Variants in UBA6 observed in about 807,000 individuals in gnomAD.
UBA6 encodes ubiquitin like modifier activating enzyme 6.
Under a neutral mutation model 148.3 loss-of-function variants are expected in UBA6, and 87 were observed. The observed-to-expected ratio is 0.59, with a 90% confidence interval of 0.49 to 0.70. UBA6 has a LOEUF of 0.70. Among genes scored for constraint, UBA6 ranks in the 30% least tolerant of loss-of-function variants. The pLI is 0.00. For synonymous variants in UBA6, 376 were observed against 401.0 expected (o/e 0.94, Z 0.75); for missense variants, 1,186 against 1,241.2 (o/e 0.96, Z 0.67).
Position 67,618,988 on chromosome 4 carries a change from C to G in UBA6, c.*9G>C. On this transcript the variant is annotated 3_prime_UTR_variant, in exon 33 of 33. Transcript: ENST00000322244. ...AAGTGGTCCTGGAGTAACGTTAAGA[C>G]AACTTGTATTAATCAGTGTCATGAC... 6.2e-7 allele frequency: 1 copy of G among 1,611,474 alleles called. No individual in the cohort carries two copies. Among genetic ancestry groups the G allele is most frequent in the Non-Finnish European group, 8.5e-7 (1 of 1,179,340 alleles).
chr4:67,676,418 C>A (rs1431065530), intron 6 of UBA6, among the ~76,000 whole-genome samples: 1 of 152,186 alleles, frequency 6.6e-6, no homozygotes, highest in Non-Finnish European at 1.5e-5. Context: ...TGACAGCACG[C>A]CTAATGGTTA....
intron 5 of UBA6, 75 bp downstream of exon 5, chr4:67,678,364 G>T: frequency 2.5e-6 from 2 of 814,482 alleles, no homozygotes; most frequent in Non-Finnish European, 3.7e-6. Context: ...TGACTGATTG[G>T]TGTTCTAGAT....
intron 11 of UBA6, 134 bp downstream of exon 11, chr4:67,663,750 AC>A: frequency 1.5e-6 from 1 of 660,966 alleles, no homozygotes; most frequent in Non-Finnish European, 2.7e-6. Context: ...TGTGAGTATA[AC>A]CTTTATTATA....
intron 17 of UBA6, 37 bp downstream of exon 17, chr4:67,644,661 A>AAT (rs751267763): frequency 8.3e-7 from 1 of 1,202,196 alleles, no homozygotes. Context: ...CAACAACAGA[A>AAT]ATATAAACTT....
In UBA6 at chr4:67,616,305, C is replaced by T. The variant is rs896811147; in HGVS notation, c.*2692G>A. The T allele has an allele frequency of 2.1e-5, 8 of 373,630 alleles. No individual in the cohort carries two copies. The highest frequency in any genetic ancestry group is 4.6e-5 in the Admixed American group (1 of 21,830). 23.1% of individuals were successfully genotyped at this position (373,630 alleles called of 1,614,324 possible). On this transcript the variant is annotated 3_prime_UTR_variant, in exon 33 of 33. Transcript: ENST00000322244. ...CATTATAGTGGAAAGATTTAGGTCA[C>T]GAGATTTTTTTTTTCCCTAAAAATT...
intron 1 of UBA6, among the ~76,000 whole-genome samples, chr4:67,699,685 C>G (rs961219087): frequency 6.6e-6 from 1 of 152,152 alleles, no homozygotes; most frequent in Non-Finnish European, 1.5e-5. Flanking sequence ...ACTGCAGCCT[C>G]GATCTCTCTA....
intron 13 of UBA6, among the ~76,000 whole-genome samples, chr4:67,650,040 C>T (rs1158434139): frequency 2.0e-5 from 3 of 152,102 alleles, no homozygotes; most frequent in Non-Finnish European, 4.4e-5. Context: ...TATTCCACCC[C>T]TCCATTTCAA....
intron 10 of UBA6, among the ~76,000 whole-genome samples, chr4:67,664,613 C>T (rs1459925314): frequency 1.3e-5 from 2 of 152,064 alleles, no homozygotes; most frequent in Admixed American, 6.6e-5. Flanking sequence ...CACAAGATCC[C>T]TTAGTTCCCT....
intron 13 of UBA6, among the ~76,000 whole-genome samples, chr4:67,655,301 C>A (rs565401956): frequency 6.6e-6 from 1 of 152,202 alleles, no homozygotes; most frequent in Admixed American, 6.5e-5. Flanking sequence ...TAAAACACTC[C>A]TCAGCAAATG....
chr4:67,669,243 G>A (rs1730082653), intron 8 of UBA6, among the ~76,000 whole-genome samples: 1 of 152,062 alleles, frequency 6.6e-6, no homozygotes, highest in Non-Finnish European at 1.5e-5. Flanking sequence ...TTTTCTCAGG[G>A]ACAAACTAAA....
At chr4:67,645,610 A>G (rs1729405566) in intron 16 of UBA6, among the ~76,000 whole-genome samples, 1 of 152,132 alleles carries the variant, frequency 6.6e-6, no homozygotes, top group African/African-American at 2.4e-5. Flanking sequence ...AAAAAAAAAA[A>G]GAAATACAGA....
At chr4:67,671,025 G>A (rs1730135845) in intron 7 of UBA6, among the ~76,000 whole-genome samples, 1 of 151,968 alleles carries the variant, frequency 6.6e-6, no homozygotes, top group African/African-American at 2.4e-5. Flanking sequence ...ATAGAATAGA[G>A]CTAAAAGCTG....
At position 67,633,466 on chromosome 4, in the gene UBA6, T is replaced by A. The variant is rs781594951; in HGVS notation, c.2021A>T (p.Gln674Leu). The change falls in exon 23 of 33, where the codon CAG (glutamine) becomes CTG (leucine). Residue 674 changes from glutamine (Q) to leucine (L), a missense_variant. Gln to Leu is a moderately radical substitution (Grantham distance 113). Coordinates refer to ENST00000322244, the MANE Select transcript of UBA6 (RefSeq NM_018227.6). ...ACAGCCTTCTAAACTGTGTCCACTC[T>A]GTATCTTCTAGAATGGGAGAGAAAA... ...SSAEEVLQKI[Q>L]SGHSLEGCFQ... is the part of the protein sequence containing the mutation. The A allele has an allele frequency of 3.8e-6, 6 of 1,593,180 alleles. No individual in the cohort carries two copies. The highest frequency in any genetic ancestry group is 5.1e-6 in the Non-Finnish European group (6 of 1,174,768).
intron 23 of UBA6, among the ~76,000 whole-genome samples, chr4:67,632,784 G>C (rs1171997154): frequency 6.6e-6 from 1 of 152,164 alleles, no homozygotes; most frequent in Non-Finnish European, 1.5e-5. Context: ...TTGAGCCCAG[G>C]AGTTCCAGGC....
At chr4:67,620,532 TACA>T (rs1419359220) in intron 32 of UBA6, among the ~76,000 whole-genome samples, 1 of 152,120 alleles carries the variant, frequency 6.6e-6, no homozygotes, top group Non-Finnish European at 1.5e-5. Flanking sequence ...GCAAAGGTCC[TACA>T]ATGGAGCATC....
intron 2 of UBA6, among the ~76,000 whole-genome samples, chr4:67,688,537 A>C (rs1485773612): frequency 6.6e-6 from 1 of 152,120 alleles, no homozygotes; most frequent in Non-Finnish European, 1.5e-5. Context: ...AACCCCTTTG[A>C]GAGAGAGAAC....
rs762280657 is a variant in UBA6 at position 67,649,056 on chromosome 4, C to T, written c.1248+12G>A. The T allele has an allele frequency of 1.2e-6, 2 of 1,606,968 alleles. No homozygotes were observed. Among genetic ancestry groups the T allele is most frequent in the South Asian group, 1.1e-5 (1 of 89,540 alleles). ...CGAGTAAAGAATTCAACTTTAAAAA[C>T]TCAGAACTAACCCACTGGCACAAAG... is the stretch of plus-strand genomic sequence containing the variant. On this transcript the variant is annotated intron_variant, in intron 14 of 32. Transcript: ENST00000322244.
chr4:67,688,559 T>C (rs577176771), intron 2 of UBA6, among the ~76,000 whole-genome samples: 1 of 152,112 alleles, frequency 6.6e-6, no homozygotes, highest in South Asian at 2.1e-4. Flanking sequence ...CAGAATACCA[T>C]CAGAGTCAGT....
rs757475586 is a variant in UBA6 at position 67,639,108 on chromosome 4, G to T, written c.1571C>A (p.Thr524Asn). 1 of 1,611,730 alleles carries T rather than the reference G, an allele frequency of 6.2e-7. No homozygotes were observed. Among genetic ancestry groups the T allele is most frequent in the Admixed American group, 1.7e-5 (1 of 59,624 alleles). Residue 524 changes from threonine to asparagine, a missense_variant, in exon 19 of 33, where the codon ACT (threonine) becomes AAT (asparagine). Physicochemically the swap from Thr to Asn is moderately conservative, Grantham distance 65. Transcript: ENST00000322244. ...TATTTTCAGAGTAGCATCAGCAGCA[G>T]TGTAGCTTTTAGGTTTCTAAACAAA... Reference protein sequence around the residue: ...PHHIQKPKSYTAADATLKINS... With the variant: ...PHHIQKPKSYNAADATLKINS...
Sources: allele counts gnomAD v4.1 joint callset (sites outside exome capture counted in the v4.1 genomes callset), GRCh38; gene constraint gnomAD v4.1.1; transcripts MANE v1.5; gene names NCBI Gene and HGNC (gene_info 2026-07-23, HGNC 2026-07-21).